Variants in CFAP61 observed in about 807,000 individuals in gnomAD.
CFAP61 encodes cilia- and flagella-associated protein 61.
In CFAP61, 107 loss-of-function variants were observed where a neutral mutation model predicts 135.6. The ratio of observed to expected loss-of-function variants is 0.79; its 90% CI spans 0.67 to 0.93. The LOEUF (loss-of-function observed/expected upper bound fraction) is 0.93. Among genes scored for constraint, CFAP61 ranks in the 40% least tolerant of loss-of-function variants. CFAP61 has a pLI of 0.00. For missense variants in CFAP61, 1,507 were observed against 1,556.2 expected, an observed-to-expected ratio of 0.97 and a Z score of 0.53; for synonymous variants, 575 against 578.5, an observed-to-expected ratio of 0.99 and a Z score of 0.09.
At chr20:20,236,093 T>C (rs1466371133) in intron 18 of CFAP61, among the ~76,000 whole-genome samples, 1 of 152,218 alleles carries the variant, frequency 6.6e-6, no homozygotes, top group African/African-American at 2.4e-5. Flanking sequence ...ATGTTGTGAA[T>C]CACCTTTTGA....
chr20:20,203,430 C>T (rs951322948), intron 17 of CFAP61, among the ~76,000 whole-genome samples: 2 of 152,136 alleles, frequency 1.3e-5, no homozygotes, highest in African/African-American at 4.8e-5. Context: ...CTCGTCAGGG[C>T]CTGCCTGCAT....
At chr20:20,090,418 G>C (rs952020003) in intron 6 of CFAP61, among the ~76,000 whole-genome samples, 2 of 152,092 alleles carry the variant, frequency 1.3e-5, no homozygotes, top group African/African-American at 2.4e-5. Flanking sequence ...CAGGCCAGGC[G>C]TGGCAGCTCA....
chr20:20,191,399 G>T lies in CFAP61; in HGVS notation c.1570G>T (p.Ala524Ser). ...AEVAEQIVGI[A>S]VIRNEMDIEY... ...AGTTGCAGAACAAATAGTTGGTATT[G>T]CAGTGATCAGAAATGAAATGGTAAA... is the stretch of plus-strand genomic sequence containing the variant. The change falls in exon 15 of 27, where the codon GCA (alanine) becomes TCA (serine). Residue 524 changes from alanine (A) to serine (S), a missense_variant. Ala to Ser is a moderately conservative substitution (Grantham distance 99). Coordinates refer to ENST00000245957, the MANE Select transcript of CFAP61 (RefSeq NM_015585.4). 1.2e-6 allele frequency: 2 copies of T among 1,610,202 alleles called. No individual in the cohort carries two copies. The highest frequency in any genetic ancestry group is 1.7e-6 in the Non-Finnish European group (2 of 1,177,262).
intron 22 of CFAP61, among the ~76,000 whole-genome samples, chr20:20,288,003 C>T (rs1411477151): frequency 9.2e-5 from 14 of 152,084 alleles, no homozygotes. Flanking sequence ...GGTAGGTATG[C>T]CATCAGTATT....
At chr20:20,336,795 C>T (rs1246338816) in intron 25 of CFAP61, among the ~76,000 whole-genome samples, 1 of 152,172 alleles carries the variant, frequency 6.6e-6, no homozygotes, top group Non-Finnish European at 1.5e-5. Context: ...GGCCACAGTG[C>T]CAGGCCTTGT....
In CFAP61 at chr20:20,059,112, C is replaced by T. The variant is rs759280867; in HGVS notation, c.143+2316C>T. On this transcript the variant is annotated intron_variant, in intron 2 of 26. Coordinates refer to ENST00000245957, the MANE Select transcript of CFAP61 (RefSeq NM_015585.4). Reference sequence around the variant, plus strand: ...TTGGGAGGCCGAGGCAGGAGGATCACGAGGTCAAGAGATTAAGACCATCCT... The same window carrying T: ...TTGGGAGGCCGAGGCAGGAGGATCATGAGGTCAAGAGATTAAGACCATCCT... Among the ~76,000 whole-genome samples the T allele has an allele frequency of 7.9e-5, 12 of 152,034 alleles. No homozygotes were observed. The East Asian group carries it at 9.7e-4, about 12-fold the overall frequency.
chr20:20,216,783 T>C (rs2048066445), intron 17 of CFAP61, among the ~76,000 whole-genome samples: 1 of 143,816 alleles, frequency 7.0e-6, no homozygotes, highest in African/African-American at 2.6e-5. Flanking sequence ...ACAGTGGAAA[T>C]TTTCTATACC....
intron 25 of CFAP61, among the ~76,000 whole-genome samples, chr20:20,332,743 T>C (rs528844088): frequency 1.8e-4 from 28 of 152,260 alleles, no homozygotes; most frequent in African/African-American, 6.3e-4. Flanking sequence ...GCCTCCCAAA[T>C]AGCTAGGACT....
At chr20:20,151,251 A>T (rs2052383610) in intron 9 of CFAP61, among the ~76,000 whole-genome samples, 1 of 152,096 alleles carries the variant, frequency 6.6e-6, no homozygotes, top group Non-Finnish European at 1.5e-5. Flanking sequence ...AGAGAAATAC[A>T]AAATGCACTT....
At position 20,242,660 on chromosome 20, in the gene CFAP61, TA is replaced by T. The variant is rs59620116; in HGVS notation, c.2061-3454del. Among the ~76,000 whole-genome samples the T allele has an allele frequency of 5.3e-3, 809 of 152,342 alleles. 8 individuals carry two copies. The highest frequency in any genetic ancestry group is 0.018 in the African/African-American group (765 of 41,574). On this transcript the variant is annotated intron_variant, in intron 18 of 26. Coordinates refer to ENST00000245957, the MANE Select transcript of CFAP61 (RefSeq NM_015585.4). ...ACCGGTCTCTTCCCTATCCCTAGCA[TA>T]AATTGTGTAGAAGATTAATCTCTAT... is the stretch of plus-strand genomic sequence containing the variant.
intron 25 of CFAP61, among the ~76,000 whole-genome samples, chr20:20,315,195 C>T (rs2057057357): frequency 1.3e-5 from 2 of 151,916 alleles, no homozygotes; most frequent in African/African-American, 4.8e-5. Flanking sequence ...CTCTCCAGCA[C>T]CTGTTATTTC....
intron 17 of CFAP61, chr20:20,200,747 G>A (rs1307104012): frequency 1.0e-6 from 1 of 985,292 alleles, no homozygotes; most frequent in Non-Finnish European, 1.2e-6. Flanking sequence ...GCCCCTCAGA[G>A]CTGGAGACGA....
intron 25 of CFAP61, among the ~76,000 whole-genome samples, chr20:20,305,662 A>G (rs184278345): frequency 2.0e-5 from 3 of 152,244 alleles, no homozygotes; most frequent in Admixed American, 2.0e-4. Context: ...CCTCTGTTTC[A>G]CTTCAGATCG....
At chr20:20,126,232 A>G (rs2050055250) in intron 8 of CFAP61, among the ~76,000 whole-genome samples, 1 of 151,714 alleles carries the variant, frequency 6.6e-6, no homozygotes, top group Non-Finnish European at 1.5e-5. Context: ...GTGAGGTACC[A>G]TTACATTCGT....
intron 25 of CFAP61, among the ~76,000 whole-genome samples, chr20:20,301,731 G>A (rs1454736403): frequency 6.6e-6 from 1 of 152,170 alleles, no homozygotes; most frequent in East Asian, 1.9e-4. Flanking sequence ...ATTCACAGAA[G>A]TTATTTATAA....
chr20:20,265,596 T>C, intron 21 of CFAP61: 1 of 729,336 alleles, frequency 1.4e-6, no homozygotes, highest in Non-Finnish European at 2.5e-6. Context: ...AAGAAGTATG[T>C]GGAAATTAGT....
At chr20:20,131,593 G>C (rs1267920275) in intron 8 of CFAP61, among the ~76,000 whole-genome samples, 1 of 151,822 alleles carries the variant, frequency 6.6e-6, no homozygotes, top group African/African-American at 2.4e-5. Flanking sequence ...CTTTTGGCTT[G>C]TTTGATCCTT....
At chr20:20,159,986 C>A (rs964278929) in intron 10 of CFAP61, among the ~76,000 whole-genome samples, 2 of 152,194 alleles carry the variant, frequency 1.3e-5, no homozygotes, top group Admixed American at 1.3e-4. Context: ...TTCACCCCAC[C>A]CATGCCTTTG....
At chr20:20,074,759 A>G (rs569618970) in intron 4 of CFAP61, among the ~76,000 whole-genome samples, 1 of 152,342 alleles carries the variant, frequency 6.6e-6, no homozygotes, top group South Asian at 2.1e-4. Context: ...AATAGGATGC[A>G]TGGAAAATGA....
Sources: gnomAD v4.1 joint callset for allele counts (sites outside exome capture counted in the v4.1 genomes callset) on GRCh38, gnomAD v4.1.1 for gene constraint, MANE v1.5 for transcripts, NCBI Gene and HGNC (gene_info 2026-07-23, HGNC 2026-07-21) for gene names.